The following PDSS2 variants were observed in gnomAD, a reference collection of about 807,000 sequenced individuals.
The protein encoded by PDSS2 is all trans-polyprenyl-diphosphate synthase PDSS2.
Under a neutral mutation model 44.5 loss-of-function variants are expected in PDSS2, and 31 were observed. That is an observed-to-expected ratio of 0.70 (90% confidence interval 0.52 to 0.94). The LOEUF (loss-of-function observed/expected upper bound fraction) is 0.94, where lower values mean the gene tolerates loss of function less well. Ranked by LOEUF, PDSS2 falls within the 40% of genes least tolerant of loss-of-function variation. The pLI is 0.00. For synonymous variants in PDSS2, 157 were observed against 180.3 expected, an observed-to-expected ratio of 0.87 and a Z score of 1.03; for missense variants, 452 against 482.2, an observed-to-expected ratio of 0.94 and a Z score of 0.59.
At chr6:107,396,266 C>T (rs1476695594) in intron 1 of PDSS2, among the ~76,000 whole-genome samples, 2 of 152,104 alleles carry the variant, frequency 1.3e-5, no homozygotes, top group African/African-American at 4.8e-5. Flanking sequence ...CCTTGCACAT[C>T]CTAGTTACCA....
chr6:107,238,757 T>C (rs891123385), intron 4 of PDSS2, among the ~76,000 whole-genome samples: 3 of 152,192 alleles, frequency 2.0e-5, no homozygotes, highest in Admixed American at 6.5e-5. Context: ...TGGAGGATGG[T>C]AGGAACACTC....
intron 1 of PDSS2, among the ~76,000 whole-genome samples, chr6:107,420,379 C>T (rs374881715): frequency 1.3e-5 from 2 of 152,122 alleles, no homozygotes; most frequent in African/African-American, 4.8e-5. Context: ...TATTCTAAAA[C>T]AAGTTTGAAA....
At chr6:107,287,650 T>G (rs1321497188) in intron 2 of PDSS2, among the ~76,000 whole-genome samples, 2 of 152,086 alleles carry the variant, frequency 1.3e-5, no homozygotes, top group African/African-American at 2.4e-5. Flanking sequence ...GCCTCCCAAG[T>G]AGCTGGGATT....
At chr6:107,416,012 A>G (rs913020673) in intron 1 of PDSS2, among the ~76,000 whole-genome samples, 4 of 152,240 alleles carry the variant, frequency 2.6e-5, no homozygotes, top group Non-Finnish European at 5.9e-5. Context: ...AGGATGTGAT[A>G]GCTATTCCTG....
chr6:107,459,120 C>T lies in PDSS2; in HGVS notation c.166G>A (p.Ala56Thr), dbSNP rs1399417724. 6.2e-7 allele frequency: 1 copy of T among 1,614,002 alleles called. No homozygotes were observed. The highest frequency in any genetic ancestry group is 8.5e-7 in the Non-Finnish European group (1 of 1,180,038). ...GTGGGGTACCCCACGATCTTCTCCG[C>T]CTCTGACACTACCTGATTCCAGTGG... is the stretch of plus-strand genomic sequence containing the variant. Reference protein sequence around the residue: ...PAHWNQVVSEAEKIVGYPTSF... With the variant: ...PAHWNQVVSETEKIVGYPTSF... Residue 56 changes from alanine (A) to threonine (T), a missense_variant, in exon 1 of 8, where the codon GCG (alanine) becomes ACG (threonine). Ala to Thr is a moderately conservative substitution (Grantham distance 58, BLOSUM62 0). Coordinates refer to ENST00000369037, the MANE Select transcript of PDSS2 (RefSeq NM_020381.4). The surrounding 1 kb of genome is among the most constrained non-coding windows in gnomAD (Gnocchi z 4.3).
rs71012783 is a variant in PDSS2, at chr6:107,173,572, C to CAAAAAAAAAAAAAAAAAAAAAAAAAAA, written c.1042-18796_1042-18795insTTTTTTTTTTTTTTTTTTTTTTTTTTT. On this transcript the variant is annotated intron_variant, in intron 7 of 7. Coordinates refer to ENST00000369037, the MANE Select transcript of PDSS2 (RefSeq NM_020381.4). ...CTGGTGATGGAATGAGACTCTGTCT[C>CAAAAAAAAAAAAAAAAAAAAAAAAAAA]AAAAAAAAAAAAAAAAAAAAAAAAA... Among the ~76,000 whole-genome samples the CAAAAAAAAAAAAAAAAAAAAAAAAAAA allele has an allele frequency of 4.8e-4, 20 of 41,510 alleles. 3 individuals are homozygous for CAAAAAAAAAAAAAAAAAAAAAAAAAAA. Among genetic ancestry groups the CAAAAAAAAAAAAAAAAAAAAAAAAAAA allele is most frequent in the African/African-American group, 2.4e-3 (19 of 7,972 alleles). 27.2% of individuals were successfully genotyped at this position (41,510 alleles called of 152,430 possible). A position where few individuals can be genotyped will look rare whatever the true frequency, so the allele number is the denominator to read the frequency against.
chr6:107,352,696 T>A (rs768938029), intron 1 of PDSS2, among the ~76,000 whole-genome samples: 10 of 152,158 alleles, frequency 6.6e-5, no homozygotes, highest in African/African-American at 1.4e-4. Context: ...AGAGAAGTGG[T>A]TCTTAACTCG....
intron 4 of PDSS2, among the ~76,000 whole-genome samples, chr6:107,226,154 A>G (rs1773812789): frequency 6.6e-6 from 1 of 152,022 alleles, no homozygotes; most frequent in South Asian, 2.1e-4. Context: ...TAAAAATACA[A>G]AAAAATTAGC....
chr6:107,331,747 T>C (rs1016844405), intron 2 of PDSS2, among the ~76,000 whole-genome samples: 5 of 152,148 alleles, frequency 3.3e-5, no homozygotes, highest in East Asian at 1.9e-4. Context: ...TTCTGTAAAA[T>C]AGGAATAACT....
intron 7 of PDSS2, among the ~76,000 whole-genome samples, chr6:107,176,311 G>C (rs1771782429): frequency 6.6e-6 from 1 of 151,868 alleles, no homozygotes; most frequent in African/African-American, 2.4e-5. Context: ...CAAAGTACTG[G>C]GATTACAGGT....
At chr6:107,456,590 C>T (rs931346097) in intron 1 of PDSS2, among the ~76,000 whole-genome samples, 8 of 152,188 alleles carry the variant, frequency 5.3e-5, no homozygotes, top group Non-Finnish European at 2.9e-5. Flanking sequence ...GGGTCTCTTG[C>T]CCAGACAGGT....
At chr6:107,372,354 G>C (rs2114390956) in intron 1 of PDSS2, among the ~76,000 whole-genome samples, 1 of 152,238 alleles carries the variant, frequency 6.6e-6, no homozygotes, top group Non-Finnish European at 1.5e-5. Flanking sequence ...AGAATTTCTA[G>C]GCACATTGCA....
chr6:107,243,542 C>T lies in PDSS2; in HGVS notation c.702+2006G>A, dbSNP rs148984146. Among the ~76,000 whole-genome samples the T allele has an allele frequency of 3.3e-3, 507 of 152,288 alleles. 1 individual carries two copies. Among genetic ancestry groups the T allele is most frequent in the East Asian group, 5.2e-3 (27 of 5,190 alleles). On this transcript the variant is annotated intron_variant, in intron 4 of 7. Coordinates refer to ENST00000369037, the MANE Select transcript of PDSS2 (RefSeq NM_020381.4). ...ATATTTAATTGTGAAATATAGATAT[C>T]TTATATGGAACTAAGTTGAACACTC...
rs894457230 is a variant in PDSS2 at position 107,452,669 on chromosome 6, CT to C, written c.296+6320del. The stretch of plus-strand genomic sequence containing the variant: ...GTCTTTCACAGAGCTAAGTTTCAAA[CT>C]TTTTTTTTTTTCTTGAGACAGAGTC... On this transcript the variant is annotated intron_variant, in intron 1 of 7. Coordinates refer to ENST00000369037, the MANE Select transcript of PDSS2 (RefSeq NM_020381.4). Among the ~76,000 whole-genome samples the C allele has an allele frequency of 3.2e-3, 472 of 147,132 alleles. 4 individuals are homozygous for C. Among genetic ancestry groups the C allele is most frequent in the African/African-American group, 9.7e-3 (392 of 40,388 alleles).
intron 4 of PDSS2, among the ~76,000 whole-genome samples, chr6:107,219,078 T>C (rs1773513743): frequency 6.6e-6 from 1 of 150,962 alleles, no homozygotes; most frequent in South Asian, 2.1e-4. Context: ...AAAAATTAAT[T>C]AAAAAAAAAT....
Position 107,154,660 on chromosome 6 carries a change from C to T in PDSS2, c.1159G>A (p.Ala387Thr), listed in dbSNP as rs782380203. The stretch of plus-strand genomic sequence containing the variant: ...ACAGCAAACACAATGTTTTCTAAAG[C>T]AGATCTGGCCTCCGAGGGAGGAAAG... Reference protein sequence around the residue: ...ESFPPSEARSALENIVFAVTR... With the variant: ...ESFPPSEARSTLENIVFAVTR... The change falls in exon 8 of 8, where the codon GCT becomes ACT. Residue 387 changes from alanine to threonine, a missense_variant. Physicochemically the swap from Ala to Thr is moderately conservative, Grantham distance 58 (BLOSUM62 0). Coordinates refer to ENST00000369037, the MANE Select transcript of PDSS2 (RefSeq NM_020381.4). 1 of 1,614,208 alleles carries T rather than the reference C, an allele frequency of 6.2e-7. No individual in the cohort carries two copies. Among genetic ancestry groups the T allele is most frequent in the South Asian group, 1.1e-5 (1 of 91,090 alleles).
At chr6:107,447,712 T>C (rs181532062) in intron 1 of PDSS2, among the ~76,000 whole-genome samples, 1 of 152,288 alleles carries the variant, frequency 6.6e-6, no homozygotes, top group East Asian at 1.9e-4. Context: ...TCTACCATTC[T>C]GGGGTCTGAA....
chr6:107,237,224 C>T (rs1004502365), intron 4 of PDSS2, among the ~76,000 whole-genome samples: 2 of 152,022 alleles, frequency 1.3e-5, no homozygotes, highest in East Asian at 1.9e-4. Context: ...TCAGCCATCA[C>T]TCCTGGCCTC....
chr6:107,456,788 C>A (rs1248509395), intron 1 of PDSS2, among the ~76,000 whole-genome samples: 2 of 152,194 alleles, frequency 1.3e-5, no homozygotes, highest in African/African-American at 4.8e-5. Flanking sequence ...AGCAATCTTT[C>A]TACTTTGCCT....
Sources: gnomAD v4.1 joint callset for allele counts (sites outside exome capture counted in the v4.1 genomes callset) on GRCh38, gnomAD v4.1.1 for gene constraint, Gnocchi (gnomAD v3.1) non-coding constraint, MANE v1.5 for transcripts, NCBI Gene and HGNC (gene_info 2026-07-23, HGNC 2026-07-21) for gene names.